CNTN5: variants seen among roughly 807,000 people sequenced by gnomAD.
CNTN5 encodes the protein contactin-5.
CNTN5 carries 77 observed loss-of-function variants against 129.1 expected under a neutral mutation model. The observed-to-expected ratio is 0.60, with a 90% CI of 0.50 to 0.72. The LOEUF is 0.72. Ranked by LOEUF, CNTN5 falls within the 30% of genes least tolerant of loss-of-function variation. CNTN5 has a pLI of 0.00. For missense variants in CNTN5, 1,478 were observed against 1,328.8 expected, an observed-to-expected ratio of 1.11 and a Z score of -1.75; for synonymous variants, 509 against 465.6, an observed-to-expected ratio of 1.09 and a Z score of -1.20.
At chr11:99,049,149 A>G (rs1054134451) in intron 1 of CNTN5, among the ~76,000 whole-genome samples, 1 of 152,102 alleles carries the variant, frequency 6.6e-6, no homozygotes, top group Non-Finnish European at 1.5e-5. Context: ...CAGTGCTTCC[A>G]TTTGTACAAT....
intron 6 of CNTN5, among the ~76,000 whole-genome samples, chr11:99,877,861 T>C (rs745646873): frequency 3.0e-4 from 46 of 152,318 alleles, no homozygotes; most frequent in African/African-American, 9.9e-4. Context: ...ATAATACCAA[T>C]TTATTTCACC....
chr11:99,196,693 A>C (rs1858918810), intron 1 of CNTN5, among the ~76,000 whole-genome samples: 1 of 152,034 alleles, frequency 6.6e-6, no homozygotes, highest in South Asian at 2.1e-4. Context: ...TGATGTCTGC[A>C]TCAATATTGT....
chr11:99,478,640 T>C (rs968960003), intron 2 of CNTN5, among the ~76,000 whole-genome samples: 6 of 151,930 alleles, frequency 3.9e-5, no homozygotes, highest in Admixed American at 2.6e-4. Flanking sequence ...ACAATGTGGA[T>C]ATATGGATTT....
At chr11:100,277,851 T>C (rs1253833342) in intron 18 of CNTN5, among the ~76,000 whole-genome samples, 3 of 152,124 alleles carry the variant, frequency 2.0e-5, no homozygotes, top group East Asian at 1.9e-4. Context: ...TTTAGTTTTC[T>C]GTGCTTGTGG....
intron 3 of CNTN5, among the ~76,000 whole-genome samples, chr11:99,637,185 G>A (rs1375346823): frequency 1.3e-5 from 2 of 151,328 alleles, no homozygotes; most frequent in East Asian, 3.9e-4. Context: ...TCCAAATTCT[G>A]AGACAGTTTA....
chr11:100,046,965 T>C (rs1204682904), intron 9 of CNTN5, among the ~76,000 whole-genome samples: 3 of 152,096 alleles, frequency 2.0e-5, no homozygotes, highest in African/African-American at 7.2e-5. Context: ...ACAAGTTTCA[T>C]AGAGCTGAAA....
intron 2 of CNTN5, among the ~76,000 whole-genome samples, chr11:99,351,442 A>AGTTGTTGT (rs1214955908): frequency 6.6e-6 from 1 of 152,204 alleles, no homozygotes; most frequent in Non-Finnish European, 1.5e-5. Flanking sequence ...CAGAAGTAAT[A>AGTTGTTGT]GTTGTTGTGG....
chr11:99,175,199 A>C (rs920639446), intron 1 of CNTN5, among the ~76,000 whole-genome samples: 2 of 152,158 alleles, frequency 1.3e-5, no homozygotes, highest in African/African-American at 4.8e-5. Context: ...ATGCCACTGC[A>C]CTCCAGCCTG....
chr11:100,012,776 G>A (rs1029235911), intron 9 of CNTN5, among the ~76,000 whole-genome samples: 3 of 152,192 alleles, frequency 2.0e-5, no homozygotes, highest in South Asian at 4.1e-4. Flanking sequence ...GCATCTCAGT[G>A]AGTGAGAATT....
chr11:99,108,027 A>G lies in CNTN5; in HGVS notation c.-210+86757A>G, dbSNP rs536626446. Among the ~76,000 whole-genome samples, 64 of 151,316 alleles carry G rather than the reference A, an allele frequency of 4.2e-4. 2 individuals are homozygous for G. The South Asian group carries it at 0.013, about 30-fold the overall frequency. On this transcript the variant is annotated intron_variant, in intron 1 of 24. Coordinates refer to ENST00000524871, the MANE Select transcript of CNTN5 (RefSeq NM_014361.4). The stretch of plus-strand genomic sequence containing the variant: ...TGGTTATATTTAGCAGAACTGGACT[A>G]TGAATCGTTTGATGTGTGTATTCCT...
chr11:99,192,487 G>T (rs1177641803), intron 1 of CNTN5, among the ~76,000 whole-genome samples: 1 of 151,784 alleles, frequency 6.6e-6, no homozygotes, highest in Non-Finnish European at 1.5e-5. Flanking sequence ...GTAAGTAGTA[G>T]ATAGTAGATA....
At chr11:99,351,172 A>T (rs1324128479) in intron 2 of CNTN5, among the ~76,000 whole-genome samples, 1 of 152,182 alleles carries the variant, frequency 6.6e-6, no homozygotes, top group East Asian at 1.9e-4. Flanking sequence ...TATAATAATA[A>T]AAAAAGGTCC....
At chr11:99,410,236 A>G (rs1006413269) in intron 2 of CNTN5, among the ~76,000 whole-genome samples, 19 of 152,336 alleles carry the variant, frequency 1.2e-4, no homozygotes, top group African/African-American at 4.6e-4. Flanking sequence ...GCTAAAATTT[A>G]AGTTCAATAC....
intron 2 of CNTN5, among the ~76,000 whole-genome samples, chr11:99,445,498 A>T (rs978927121): frequency 2.0e-5 from 3 of 152,160 alleles, no homozygotes; most frequent in Non-Finnish European, 4.4e-5. Context: ...TGTAGCAAAC[A>T]TTTATTCACA....
chr11:99,899,139 G>A (rs1012908195), intron 6 of CNTN5, among the ~76,000 whole-genome samples: 10 of 151,916 alleles, frequency 6.6e-5, no homozygotes, highest in African/African-American at 2.4e-4. Flanking sequence ...AGTCTTTAGG[G>A]TTTTCTAGGT....
At chr11:99,962,717 C>T (rs1950983113) in intron 8 of CNTN5, among the ~76,000 whole-genome samples, 1 of 151,098 alleles carries the variant, frequency 6.6e-6, no homozygotes, top group African/African-American at 2.5e-5. Context: ...GTTCTAGATC[C>T]CTGAGGAATC....
intron 6 of CNTN5, among the ~76,000 whole-genome samples, chr11:99,849,832 C>G (rs1256965579): frequency 6.6e-6 from 1 of 151,918 alleles, no homozygotes; most frequent in African/African-American, 2.4e-5. Flanking sequence ...CTAATTTAAC[C>G]CTAATAGTAC....
intron 8 of CNTN5, among the ~76,000 whole-genome samples, chr11:99,960,794 G>A (rs1950921538): frequency 6.6e-6 from 1 of 152,088 alleles, no homozygotes; most frequent in African/African-American, 2.4e-5. Flanking sequence ...AATGAGAAGA[G>A]AAGTGACTGT....
intron 1 of CNTN5, among the ~76,000 whole-genome samples, chr11:99,143,588 A>C (rs1352326201): frequency 6.6e-6 from 1 of 151,876 alleles, no homozygotes; most frequent in East Asian, 1.9e-4. Flanking sequence ...TGTTCCTTAA[A>C]ATATATTGAG....
Sources: gnomAD v4.1 joint callset for allele counts (sites outside exome capture counted in the v4.1 genomes callset) on GRCh38, gnomAD v4.1.1 for gene constraint, MANE v1.5 for transcripts, NCBI Gene and HGNC (gene_info 2026-07-23, HGNC 2026-07-21) for gene names.